The following SUPT3H variants were observed in gnomAD, a reference collection of about 807,000 sequenced individuals.
SUPT3H encodes the protein transcription initiation protein SPT3 homolog.
A neutral mutation model predicts 44.3 loss-of-function variants in SUPT3H; 44 were observed. The observed-to-expected ratio is 0.99, with a 90% confidence interval of 0.78 to 1.28. SUPT3H has a LOEUF of 1.28. Ranked by LOEUF, SUPT3H falls within the 50% of genes most tolerant of loss-of-function variation. The probability of loss-of-function intolerance (pLI) is 0.00; values close to 1 mark genes in which losing one functional copy is unlikely to be tolerated. For synonymous variants in SUPT3H, 124 were observed against 125.6 expected (o/e 0.99, Z 0.09); for missense variants, 380 against 387.1 (o/e 0.98, Z 0.15).
intron 2 of SUPT3H, among the ~76,000 whole-genome samples, chr6:45,270,981 GCC>G (rs1230951537): frequency 6.6e-6 from 1 of 152,196 alleles, no homozygotes; most frequent in Non-Finnish European, 1.5e-5. Flanking sequence ...TCTTGCCCCT[GCC>G]CTAGAAATTT....
At chr6:45,230,684 A>ATATATATATATATATATG (rs1554294700) in intron 2 of SUPT3H, among the ~76,000 whole-genome samples, 1 of 101,070 alleles carries the variant, frequency 9.9e-6, no homozygotes, top group African/African-American at 4.0e-5. Flanking sequence ...ATATATATAT[A>ATATATATATATATATATG]TATTTTTGAG....
chr6:45,036,776 T>A (rs981004555), intron 3 of SUPT3H, among the ~76,000 whole-genome samples: 1 of 152,118 alleles, frequency 6.6e-6, no homozygotes. Flanking sequence ...AAGTAGAGGA[T>A]GTGTTCCAGC....
chr6:45,054,943 A>G (rs1790885404), intron 3 of SUPT3H, among the ~76,000 whole-genome samples: 1 of 152,148 alleles, frequency 6.6e-6, no homozygotes, highest in African/African-American at 2.4e-5. Context: ...TCACTGGCTG[A>G]CCATTAAAAC....
At position 45,035,105 on chromosome 6, in the gene SUPT3H, T is replaced by C. The variant is rs1328028026; in HGVS notation, c.187-14473A>G. On this transcript the variant is annotated intron_variant, in intron 3 of 10. Coordinates refer to ENST00000371459, the MANE Select transcript of SUPT3H (RefSeq NM_003599.4). The stretch of plus-strand genomic sequence containing the variant: ...AAGTCTCTGATAAATTTCTGTTAAG[T>C]ATTTCTATGTAAACATGTTTTGTTT... Among the ~76,000 whole-genome samples the C allele has an allele frequency of 2.6e-5, 4 of 152,238 alleles. No individual in the cohort carries two copies. The East Asian group carries it at 7.7e-4, about 29-fold the overall frequency.
At chr6:44,964,526 G>C (rs1313515466) in intron 6 of SUPT3H, among the ~76,000 whole-genome samples, 1 of 152,162 alleles carries the variant, frequency 6.6e-6, no homozygotes, top group Admixed American at 6.5e-5. Context: ...GTCGTCAGAG[G>C]TTAAGGTTGC....
At chr6:45,267,937 T>C (rs1190256619) in intron 2 of SUPT3H, among the ~76,000 whole-genome samples, 2 of 152,180 alleles carry the variant, frequency 1.3e-5, no homozygotes, top group Non-Finnish European at 1.5e-5. Context: ...ATACAAATAA[T>C]TGTTGCCACT....
At chr6:45,101,409 G>C (rs1798554546) in intron 3 of SUPT3H, among the ~76,000 whole-genome samples, 1 of 152,176 alleles carries the variant, frequency 6.6e-6, no homozygotes, top group South Asian at 2.1e-4. Flanking sequence ...TGGGCAACAA[G>C]AGCGAAACTC....
chr6:45,291,178 G>A (rs551913227), intron 2 of SUPT3H, among the ~76,000 whole-genome samples: 62 of 152,270 alleles, frequency 4.1e-4, no homozygotes, highest in Admixed American at 1.6e-3. Flanking sequence ...TTGCTGGGTG[G>A]CTAGATCCAG....
intron 2 of SUPT3H, among the ~76,000 whole-genome samples, chr6:45,179,233 T>A (rs1812635918): frequency 6.6e-6 from 1 of 152,128 alleles, no homozygotes; most frequent in Non-Finnish European, 1.5e-5. Context: ...TGTGTAATAA[T>A]CAATAGCTTA....
chr6:44,811,890 TC>T (rs1255638674), intron 11 of SUPT3H, among the ~76,000 whole-genome samples: 2 of 152,016 alleles, frequency 1.3e-5, no homozygotes, highest in East Asian at 3.9e-4. Flanking sequence ...TCCTCCAACT[TC>T]CTTCCTATGC....
chr6:45,258,825 T>G (rs1363514622), intron 2 of SUPT3H, among the ~76,000 whole-genome samples: 3 of 152,150 alleles, frequency 2.0e-5, no homozygotes, highest in Non-Finnish European at 4.4e-5. Flanking sequence ...CAATTAATCA[T>G]TAATAAAAAA....
At chr6:45,102,265 G>A (rs1798683919) in intron 3 of SUPT3H, among the ~76,000 whole-genome samples, 1 of 151,960 alleles carries the variant, frequency 6.6e-6, no homozygotes, top group Non-Finnish European at 1.5e-5. Flanking sequence ...TTCTTCTCAA[G>A]CATTCAAACA....
chr6:44,841,782 T>C (rs1453781690), intron 10 of SUPT3H, among the ~76,000 whole-genome samples: 1 of 152,244 alleles, frequency 6.6e-6, no homozygotes, highest in Non-Finnish European at 1.5e-5. Context: ...AACGCCTCTC[T>C]GGCCTACTTT....
intron 2 of SUPT3H, among the ~76,000 whole-genome samples, chr6:45,180,748 C>T (rs1813005139): frequency 6.6e-6 from 1 of 152,128 alleles, no homozygotes; most frequent in African/African-American, 2.4e-5. Context: ...AATGTTAGAC[C>T]TAAAACCATA....
At chr6:44,909,124 GGTGTGTGTGTGTGTGTGCGTGT>G (rs1299634053) in intron 10 of SUPT3H, among the ~76,000 whole-genome samples, 2 of 117,134 alleles carry the variant, frequency 1.7e-5, no homozygotes, top group East Asian at 5.0e-4. Context: ...ATACCTAAGA[GGTGTGTGTGTGTGTGTGCGTGT>G]GTGTGTGTGT....
At chr6:45,190,604 G>C (rs76426726) in intron 2 of SUPT3H, among the ~76,000 whole-genome samples, 3,327 of 152,144 alleles carry the variant, frequency 0.022, 125 homozygotes, top group African/African-American at 0.076. Flanking sequence ...TGAAAACGTA[G>C]ATAGTTTATA....
chr6:45,156,940 C>G (rs1385894847), intron 2 of SUPT3H, among the ~76,000 whole-genome samples: 2 of 151,840 alleles, frequency 1.3e-5, no homozygotes, highest in African/African-American at 4.8e-5. Flanking sequence ...TAGTTGAAAT[C>G]AAGACACATG....
At chr6:45,297,243 T>C (rs969612855) in intron 2 of SUPT3H, among the ~76,000 whole-genome samples, 7 of 152,196 alleles carry the variant, frequency 4.6e-5, no homozygotes, top group African/African-American at 1.7e-4. Context: ...AAATTCTCTA[T>C]AGTAGACTTT....
chr6:45,231,879 C>A (rs1406256427), intron 2 of SUPT3H, among the ~76,000 whole-genome samples: 1 of 152,086 alleles, frequency 6.6e-6, no homozygotes, highest in Non-Finnish European at 1.5e-5. Flanking sequence ...ATTGCTGAAG[C>A]TTTCGAGTGT....
Sources: gnomAD v4.1 joint callset for allele counts (sites outside exome capture counted in the v4.1 genomes callset) on GRCh38, gnomAD v4.1.1 for gene constraint, MANE v1.5 for transcripts, NCBI Gene and HGNC (gene_info 2026-07-23, HGNC 2026-07-21) for gene names.